Variants in TGFB2 observed in about 807,000 individuals in gnomAD.
TGFB2 encodes the protein transforming growth factor beta-2 proprotein.
In TGFB2, 13 loss-of-function variants were observed where a neutral mutation model predicts 42.7. The ratio of observed to expected loss-of-function variants is 0.30; its 90% confidence interval spans 0.20 to 0.48. The LOEUF (loss-of-function observed/expected upper bound fraction) is 0.48, where lower values mean the gene tolerates loss of function less well. Ranked by LOEUF, TGFB2 falls within the 20% of genes least tolerant of loss-of-function variation. TGFB2 has a pLI of 0.99. For synonymous variants in TGFB2, 193 were observed against 193.6 expected (o/e 1.00, Z 0.03); for missense variants, 390 against 517.5 (o/e 0.75, Z 2.39).
chr1:218,353,581 G>C (rs952540529), intron 1 of TGFB2, among the ~76,000 whole-genome samples: 7 of 152,134 alleles, frequency 4.6e-5, no homozygotes, highest in Admixed American at 3.9e-4. Flanking sequence ...CTTCTACATA[G>C]AGATCTATCT....
intron 1 of TGFB2, among the ~76,000 whole-genome samples, chr1:218,362,204 T>C (rs529146396): frequency 6.6e-6 from 1 of 152,340 alleles, no homozygotes; most frequent in East Asian, 1.9e-4. Flanking sequence ...AAAGCCTTTG[T>C]CTTGTGTTGA....
At chr1:218,425,848 C>A (rs1659606427) in intron 2 of TGFB2, among the ~76,000 whole-genome samples, 1 of 152,116 alleles carries the variant, frequency 6.6e-6, no homozygotes, top group Non-Finnish European at 1.5e-5. Flanking sequence ...CTTGCCAATG[C>A]CAGTATTTCA....
intron 2 of TGFB2, among the ~76,000 whole-genome samples, chr1:218,426,399 G>A (rs1319069164): frequency 1.3e-5 from 2 of 152,126 alleles, no homozygotes; most frequent in Non-Finnish European, 2.9e-5. Context: ...AAACTATTGG[G>A]TAACATCAGT....
Position 218,444,572 on chromosome 1 carries a change from C to G in TGFB2, c.*3210C>G, listed in dbSNP as rs767736529. On this transcript the variant is annotated 3_prime_UTR_variant, in exon 7 of 7. Transcript: ENST00000366930. ...AAGACCAGACTCCTCAAACGAGTTG[C>G]CAATCTCTTAATAAATAGGATTAAT... 6.6e-6 allele frequency: 1 copy of G among 152,136 alleles called. No homozygotes were observed. Among genetic ancestry groups the G allele is most frequent in the East Asian group, 1.9e-4 (1 of 5,192 alleles). 9.4% of individuals were successfully genotyped at this position (152,136 alleles called of 1,614,324 possible).
chr1:218,368,386 C>T (rs1265743708), intron 1 of TGFB2, among the ~76,000 whole-genome samples: 1 of 151,984 alleles, frequency 6.6e-6, no homozygotes, highest in African/African-American at 2.4e-5. Flanking sequence ...ATCCACCCAC[C>T]TTGGCATCCC....
intron 2 of TGFB2, among the ~76,000 whole-genome samples, chr1:218,408,766 GC>G (rs1288372894): frequency 4.6e-5 from 7 of 152,200 alleles, no homozygotes; most frequent in Non-Finnish European, 8.8e-5. Flanking sequence ...GACATCAACA[GC>G]AGGTCCTTTA....
chr1:218,363,644 A>G (rs928225034), intron 1 of TGFB2, among the ~76,000 whole-genome samples: 4 of 152,214 alleles, frequency 2.6e-5, no homozygotes, highest in African/African-American at 9.6e-5. Context: ...GCAGCATGTA[A>G]AAGAATGACT....
At position 218,441,817 on chromosome 1, in the gene TGFB2, A is replaced by C. The variant is rs1430450867; in HGVS notation, c.*455A>C. The stretch of plus-strand genomic sequence containing the variant: ...GCACCCTTCCCATTCTTACTCTTAG[A>C]GTTAACAGTGAGTTATTTATTGTGT... On this transcript the variant is annotated 3_prime_UTR_variant, in exon 7 of 7. Coordinates refer to ENST00000366930, the MANE Select transcript of TGFB2 (RefSeq NM_003238.6). 6.5e-6 allele frequency: 1 copy of C among 154,436 alleles called. No homozygotes were observed. The highest frequency in any genetic ancestry group is 1.4e-5 in the Non-Finnish European group (1 of 69,700). 9.6% of individuals were successfully genotyped at this position (154,436 alleles called of 1,614,324 possible).
intron 1 of TGFB2, among the ~76,000 whole-genome samples, chr1:218,352,008 G>C (rs1656881660): frequency 6.6e-6 from 1 of 152,142 alleles, no homozygotes; most frequent in Admixed American, 6.5e-5. Context: ...TATTTAGAAG[G>C]TTCGAGAAAT....
intron 1 of TGFB2, among the ~76,000 whole-genome samples, chr1:218,365,528 G>GA (rs1223631345): frequency 5.9e-5 from 9 of 152,186 alleles, no homozygotes; most frequent in Non-Finnish European, 1.2e-4. Flanking sequence ...TGGAAGGGGA[G>GA]ATGGGGCGCA....
At chr1:218,433,494 A>T (rs955312550) in intron 2 of TGFB2, among the ~76,000 whole-genome samples, 1 of 152,190 alleles carries the variant, frequency 6.6e-6, no homozygotes, top group East Asian at 1.9e-4. Flanking sequence ...TACCTTTATA[A>T]ATCATAACAA....
At chr1:218,406,865 G>A (rs570657161) in intron 2 of TGFB2, among the ~76,000 whole-genome samples, 98 of 152,246 alleles carry the variant, frequency 6.4e-4, no homozygotes, top group African/African-American at 2.2e-3. Flanking sequence ...TGGGATCCCC[G>A]TGATAAGGGG....
rs1374443021 is a variant in TGFB2, at chr1:218,444,199, C to T, written c.*2837C>T. ...ATCAAGGATAGAAGAAATCCCTGTG[C>T]CGTCTTTTTATTCCCTTATTTATTG... On this transcript the variant is annotated 3_prime_UTR_variant, in exon 7 of 7. Transcript: ENST00000366930. 1 of 152,166 alleles carries T rather than the reference C, an allele frequency of 6.6e-6. No individual in the cohort carries two copies. Among genetic ancestry groups the T allele is most frequent in the East Asian group, 1.9e-4 (1 of 5,194 alleles). The allele number at this position is 152,166 out of a possible 1,614,324, so 9.4% of individuals were successfully genotyped here.
intron 2 of TGFB2, among the ~76,000 whole-genome samples, chr1:218,421,368 A>G (rs1659448096): frequency 7.8e-6 from 1 of 127,628 alleles, no homozygotes; most frequent in South Asian, 2.7e-4. Flanking sequence ...AAATTCCAAG[A>G]AGCAGTTTTT....
At chr1:218,433,679 TCTC>T (rs1168447437) in intron 2 of TGFB2, among the ~76,000 whole-genome samples, 1 of 152,178 alleles carries the variant, frequency 6.6e-6, no homozygotes, top group East Asian at 1.9e-4. Context: ...GAACTGGACT[TCTC>T]CTCTTGTCCC....
intron 6 of TGFB2, among the ~76,000 whole-genome samples, chr1:218,438,988 A>G (rs966020425): frequency 1.3e-5 from 2 of 151,982 alleles, no homozygotes; most frequent in African/African-American, 2.4e-5. Flanking sequence ...GGGTGCCTGC[A>G]ATCCCAGCTA....
intron 2 of TGFB2, among the ~76,000 whole-genome samples, chr1:218,410,455 T>C (rs988914994): frequency 6.6e-5 from 10 of 152,198 alleles, no homozygotes; most frequent in Non-Finnish European, 2.9e-5. Context: ...AGAATATTAA[T>C]GAATGATAGG....
rs946896893 is a variant in TGFB2, at chr1:218,413,298, G to A, written c.510+7966G>A. 1.2e-3 allele frequency among the ~76,000 whole-genome samples: 185 copies of A among 150,916 alleles called. 2 individuals carry two copies. Among genetic ancestry groups the A allele is most frequent in the Non-Finnish European group, 4.4e-4 (30 of 67,626 alleles). On this transcript the variant is annotated intron_variant, in intron 2 of 6. Transcript: ENST00000366930. ...TGAGGCAGGAGAATCACTTGAACCC[G>A]AGAGGCAGAGGTTGCAGTGAGCCGA...
At chr1:218,378,661 G>A (rs923273067) in intron 1 of TGFB2, among the ~76,000 whole-genome samples, 1 of 152,012 alleles carries the variant, frequency 6.6e-6, no homozygotes, top group African/African-American at 2.4e-5. Context: ...ACCCAGTCTG[G>A]GGTGCAGGGA....
Sources: gnomAD v4.1 joint callset for allele counts (sites outside exome capture counted in the v4.1 genomes callset) on GRCh38, gnomAD v4.1.1 for gene constraint, MANE v1.5 for transcripts, NCBI Gene and HGNC (gene_info 2026-07-23, HGNC 2026-07-21) for gene names.